The following LNX1 variants were observed in gnomAD, a reference collection of about 807,000 sequenced individuals.
LNX1 encodes the protein ligand of numb-protein X 1, also known as E3 ubiquitin-protein ligase LNX.
LNX1 carries 54 observed loss-of-function variants against 68.4 expected under a neutral mutation model. The ratio of observed to expected loss-of-function variants is 0.79; its 90% confidence interval spans 0.63 to 0.99. The LOEUF (loss-of-function observed/expected upper bound fraction) is 0.99, where lower values mean the gene tolerates loss of function less well. LNX1 is among the 50% of genes least tolerant of loss of function. LNX1 has a pLI of 0.00. For synonymous variants in LNX1, 336 were observed against 350.0 expected (o/e 0.96, Z 0.45); for missense variants, 906 against 926.4 (o/e 0.98, Z 0.29).
At chr4:53,557,928 C>G in intron 2 of LNX1, 3 of 1,613,586 alleles carry the variant, frequency 1.9e-6, no homozygotes, top group Non-Finnish European at 2.5e-6. Context: ...GTTAGCAGGA[C>G]TGAGCCAAGG....
At chr4:53,620,052 GAA>G (rs1349674073), upstream of LNX1, among the ~76,000 whole-genome samples, 1 of 152,184 alleles carries the variant, frequency 6.6e-6, no homozygotes, top group African/African-American at 2.4e-5. Flanking sequence ...TGTTTGTAAC[GAA>G]ACACATTGTG....
intron 9 of LNX1, among the ~76,000 whole-genome samples, chr4:53,472,729 T>C (rs1297906475): frequency 6.7e-5 from 10 of 148,888 alleles, no homozygotes; most frequent in African/African-American, 4.9e-5. Context: ...AAAGGACTCT[T>C]TGCAATATAA....
At chr4:53,478,484 T>C in intron 8 of LNX1, 81 bp downstream of exon 8, 1 of 1,257,598 alleles carries the variant, frequency 8.0e-7, no homozygotes, top group Non-Finnish European at 1.1e-6. Context: ...TCATTAATTT[T>C]GAAAATAGTC....
chr4:53,470,678 A>G (rs962147366), intron 9 of LNX1, among the ~76,000 whole-genome samples: 1 of 152,302 alleles, frequency 6.6e-6, no homozygotes, highest in East Asian at 1.9e-4. Flanking sequence ...AATCACAAGC[A>G]TTCTTATACA....
rs147272442 is a variant in LNX1, at chr4:53,554,267, T to C, written c.380+19356A>G. Among the ~76,000 whole-genome samples the C allele has an allele frequency of 3.5e-3, 527 of 152,348 alleles. 2 individuals are homozygous for C. Among genetic ancestry groups the C allele is most frequent in the African/African-American group, 0.012 (501 of 41,588 alleles). On this transcript the variant is annotated intron_variant, in intron 2 of 10. Transcript: ENST00000263925. ...TATGTAAGTCCCCAGTAAAACCCAG[T>C]GTCTCATTTGCCAGTTCTGGGTCTG... is the stretch of plus-strand genomic sequence containing the variant.
chr4:53,574,281 C>G (rs1731351845), intron 1 of LNX1, among the ~76,000 whole-genome samples, 193 bp from the exon 2 acceptor site: 1 of 152,218 alleles, frequency 6.6e-6, no homozygotes, highest in Non-Finnish European at 1.5e-5. Flanking sequence ...CTCTGTTTTT[C>G]CACGCATGCC....
intron 1 of LNX1, among the ~76,000 whole-genome samples, chr4:53,627,105 G>A (rs1734105716): frequency 6.6e-6 from 1 of 152,170 alleles, no homozygotes. Flanking sequence ...TACACTTACT[G>A]GGTTTTCACA....
At chr4:53,633,702 C>T (rs987043675) in intron 1 of LNX1, among the ~76,000 whole-genome samples, 31 of 152,284 alleles carry the variant, frequency 2.0e-4, no homozygotes, top group African/African-American at 6.7e-4. Flanking sequence ...ATGGATTAGG[C>T]TAGTGTTTGA....
In LNX1 at chr4:53,606,733, CA is replaced by C. The variant is rs377271170; in HGVS notation, c.-215+9783del. ...TAAAATACTGGCAAACTGAATCTAG[CA>C]GCAGATCAAAAAGCTTATCTACCAT... is the stretch of plus-strand genomic sequence containing the variant. On this transcript the variant is annotated intron_variant, in intron 2 of 3. Coordinates refer to the LNX1 transcript ENST00000504299. Among the ~76,000 whole-genome samples the C allele has an allele frequency of 1.6e-4, 25 of 152,276 alleles. No homozygotes were observed. In the East Asian group the frequency reaches 3.9e-3, roughly 24 times the overall value.
At chr4:53,472,050 C>A (rs559561168) in intron 9 of LNX1, among the ~76,000 whole-genome samples, 1 of 152,078 alleles carries the variant, frequency 6.6e-6, no homozygotes, top group African/African-American at 2.4e-5. Context: ...ATGTTTATTG[C>A]GGCACTATTC....
upstream of LNX1, among the ~76,000 whole-genome samples, chr4:53,593,258 C>A (rs376148136): frequency 1.1e-3 from 168 of 152,306 alleles, 3 homozygotes; most frequent in African/African-American, 3.8e-3. Context: ...GGAGGGAGAG[C>A]CCGCCAACCT....
chr4:53,567,374 A>G (rs1315705370), intron 2 of LNX1, among the ~76,000 whole-genome samples: 1 of 149,732 alleles, frequency 6.7e-6, no homozygotes, highest in Admixed American at 6.7e-5. Context: ...TGGAAACTGA[A>G]CAACCTGCTC....
intron 1 of LNX1, among the ~76,000 whole-genome samples, chr4:53,585,848 C>G (rs919874876): frequency 6.6e-6 from 1 of 152,002 alleles, no homozygotes; most frequent in Non-Finnish European, 1.5e-5. Context: ...TTTAAGCCAC[C>G]AAGTTTATGG....
chr4:53,506,856 T>TAAAAAAAAAAAAAAAAAAAGAAAAAAA (rs1725923664), intron 4 of LNX1, among the ~76,000 whole-genome samples: 1 of 54,204 alleles, frequency 1.8e-5, no homozygotes, highest in African/African-American at 6.2e-5. Context: ...AAACTCTGTC[T>TAAAAAAAAAAAAAAAAAAAGAAAAAAA]AAAAAAAAAA....
intron 9 of LNX1, among the ~76,000 whole-genome samples, chr4:53,466,512 C>T (rs1722694155): frequency 6.6e-6 from 1 of 152,190 alleles, no homozygotes; most frequent in African/African-American, 2.4e-5. Flanking sequence ...GTGCAGCACA[C>T]CGAGCACGAG....
intron 4 of LNX1, among the ~76,000 whole-genome samples, chr4:53,499,639 A>G (rs987935127): frequency 6.6e-6 from 1 of 152,208 alleles, no homozygotes; most frequent in African/African-American, 2.4e-5. Context: ...TCGCTTGCTT[A>G]TTGAGAGGTA....
chr4:53,492,554 A>T (rs1724772333), intron 6 of LNX1, among the ~76,000 whole-genome samples: 1 of 139,568 alleles, frequency 7.2e-6, no homozygotes, highest in Admixed American at 7.1e-5. Context: ...TGGCATCCTG[A>T]CTGGAGTGGT....
chr4:53,647,788 G>A (rs1158684428), intron 1 of LNX1, among the ~76,000 whole-genome samples: 2 of 152,140 alleles, frequency 1.3e-5, no homozygotes, highest in African/African-American at 4.8e-5. Flanking sequence ...TCAGCCCCCG[G>A]CAACTGCCAT....
chr4:53,551,705 G>A (rs2117601), intron 2 of LNX1, among the ~76,000 whole-genome samples: 105,106 of 151,920 alleles, frequency 0.69, 36,390 homozygotes, highest in Middle Eastern at 0.74. Flanking sequence ...CAAACCACCC[G>A]GCTGATCTCA....
Sources: allele counts gnomAD v4.1 joint callset (sites outside exome capture counted in the v4.1 genomes callset), GRCh38; gene constraint gnomAD v4.1.1; transcripts MANE v1.5; gene names NCBI Gene and HGNC (gene_info 2026-07-23, HGNC 2026-07-21).